Variants in ZNF236 observed in about 807,000 individuals in gnomAD.
ZNF236 encodes regulated by glucose.
A neutral mutation model predicts 191.2 loss-of-function variants in ZNF236; 50 were observed. The observed-to-expected ratio is 0.26, with a 90% CI of 0.21 to 0.33. The LOEUF (loss-of-function observed/expected upper bound fraction) is 0.33, where lower values mean the gene tolerates loss of function less well. Among genes scored for constraint, ZNF236 ranks in the 10% least tolerant of loss-of-function variants. The probability of loss-of-function intolerance (pLI) is 1.00; values close to 1 mark genes in which losing one functional copy is unlikely to be tolerated. For missense variants in ZNF236, 1,754 were observed against 2,374.5 expected (o/e 0.74, Z 5.43); for synonymous variants, 907 against 928.8 (o/e 0.98, Z 0.43).
At chr18:76,963,407 C>T (rs933426277) in intron 30 of ZNF236, among the ~76,000 whole-genome samples, 1 of 152,202 alleles carries the variant, frequency 6.6e-6, no homozygotes, top group Admixed American at 6.5e-5. Flanking sequence ...ACCATTCCTG[C>T]ATCCCTGGTA....
At chr18:76,910,251 C>G (rs902475409) in intron 15 of ZNF236, 82 bp downstream of exon 15, 10 of 1,188,428 alleles carry the variant, frequency 8.4e-6, no homozygotes, top group Admixed American at 6.4e-5. Flanking sequence ...TACATGTTTT[C>G]TCTTAAGGCC....
intron 25 of ZNF236, among the ~76,000 whole-genome samples, chr18:76,928,894 C>T (rs534835575): frequency 4.0e-5 from 6 of 151,532 alleles, no homozygotes; most frequent in Non-Finnish European, 7.4e-5. Context: ...CTAGTAACTT[C>T]CACAGATATT....
At chr18:76,866,581 G>GT (rs1456329392) in intron 3 of ZNF236, among the ~76,000 whole-genome samples, 3 of 152,158 alleles carry the variant, frequency 2.0e-5, no homozygotes, top group African/African-American at 7.2e-5. Flanking sequence ...AGAGATGATC[G>GT]TATCTTCAGC....
chr18:76,941,669 T>C (rs1283308519), intron 26 of ZNF236, among the ~76,000 whole-genome samples: 1 of 152,212 alleles, frequency 6.6e-6, no homozygotes, highest in African/African-American at 2.4e-5. Flanking sequence ...CTGGAGCCTG[T>C]GTCTATCCAG....
chr18:76,849,718 G>A (rs1555686644), intron 2 of ZNF236, 50 bp downstream of exon 2: 2 of 1,415,678 alleles, frequency 1.4e-6, no homozygotes, highest in South Asian at 1.8e-5. Context: ...GAAACTGGAG[G>A]TATTGTAAAA....
chr18:76,927,051 A>T lies in ZNF236; in HGVS notation c.4042A>T (p.Thr1348Ser), dbSNP rs766349161. 3.1e-6 allele frequency: 5 copies of T among 1,612,324 alleles called. No homozygotes were observed. Among genetic ancestry groups the T allele is most frequent in the Non-Finnish European group, 4.2e-6 (5 of 1,178,522 alleles). ...TCTCTGGCCAGCTGGGGGTGACCTGACCGTGTCTCTGACAGATGGGAGCCT... is the reference window on the plus strand; with the variant it reads ...TCTCTGGCCAGCTGGGGGTGACCTGTCCGTGTCTCTGACAGATGGGAGCCT... The part of the protein sequence containing the change: ...PASVSAGGDL[T>S]VSLTDGSLAT... The change falls in exon 23 of 31, where the codon ACC becomes TCC. Residue 1348 changes from threonine to serine, a missense_variant. Thr to Ser is a moderately conservative substitution (Grantham distance 58). Coordinates refer to ENST00000320610, the MANE Select transcript of ZNF236 (RefSeq NM_001306089.2). This position sits in a 1 kb window ranked among gnomAD's most constrained non-coding sequence, Gnocchi z 5.4.
At position 76,880,016 on chromosome 18, in the gene ZNF236, C is replaced by A; in HGVS notation, c.985-97C>A. On this transcript the variant is annotated intron_variant, in intron 7 of 30. Coordinates refer to ENST00000320610, the MANE Select transcript of ZNF236 (RefSeq NM_001306089.2). The surrounding 1 kb of genome is among the most constrained non-coding windows in gnomAD (Gnocchi z 5.0). ...TTAGGATACTCTTAGATTTTAACAC[C>A]CTTAAGGAGGGTATTGCCTGTTTTT... The A allele has an allele frequency of 9.0e-7, 1 of 1,112,236 alleles. No homozygotes were observed. Among genetic ancestry groups the A allele is most frequent in the South Asian group, 1.6e-5 (1 of 62,062 alleles). 68.9% of individuals were successfully genotyped at this position (1,112,236 alleles called of 1,614,324 possible).
At chr18:76,868,556 A>G (rs567181310) in intron 3 of ZNF236, 129 bp from the exon 4 acceptor site, 2 of 662,754 alleles carry the variant, frequency 3.0e-6, no homozygotes, top group Non-Finnish European at 4.7e-6. Context: ...AAAGTATTAG[A>G]TCAAAATCAA....
intron 9 of ZNF236, among the ~76,000 whole-genome samples, chr18:76,892,302 T>C (rs2122693399): frequency 6.6e-6 from 1 of 151,466 alleles, no homozygotes; most frequent in Admixed American, 6.6e-5. Context: ...GATGCTTCAT[T>C]TCTAGTGTAT....
At chr18:76,876,330 A>G (rs1180206651) in intron 6 of ZNF236, among the ~76,000 whole-genome samples, 9 of 152,256 alleles carry the variant, frequency 5.9e-5, no homozygotes, top group Non-Finnish European at 1.0e-4. Context: ...TACTTTTATC[A>G]TGGATCAGTA....
At chr18:76,922,971 A>G in intron 20 of ZNF236, 100 bp from the exon 21 acceptor site, 1 of 873,670 alleles carries the variant, frequency 1.1e-6, no homozygotes, top group Non-Finnish European at 1.8e-6. Flanking sequence ...GGCCAAACTT[A>G]AGCAGAACGT....
intron 26 of ZNF236, among the ~76,000 whole-genome samples, chr18:76,942,551 GC>G (rs1458104474): frequency 6.6e-6 from 1 of 150,594 alleles, no homozygotes; most frequent in African/African-American, 2.4e-5. Flanking sequence ...TCGCTCTGTC[GC>G]CCAGGCTGGA....
chr18:76,841,102 C>T (rs1975483391), intron 1 of ZNF236: 1 of 152,320 alleles, frequency 6.6e-6, no homozygotes, highest in Non-Finnish European at 1.5e-5. Flanking sequence ...CCACACCCGG[C>T]TAAGTTTTAT....
At chr18:76,887,464 G>C (rs1401383071) in intron 9 of ZNF236, 1 of 152,184 alleles carries the variant, frequency 6.6e-6, no homozygotes, top group African/African-American at 2.4e-5. Context: ...CAGATATCCA[G>C]TCACGTGCTT....
At chr18:76,857,503 C>T (rs1223001368) in intron 3 of ZNF236, among the ~76,000 whole-genome samples, 1 of 152,200 alleles carries the variant, frequency 6.6e-6, no homozygotes, top group Non-Finnish European at 1.5e-5. Context: ...TTCAGTTAAC[C>T]ACCCTCCTTC....
chr18:76,912,891 G>A (rs1488470391), intron 17 of ZNF236, among the ~76,000 whole-genome samples: 6 of 152,236 alleles, frequency 3.9e-5, no homozygotes, highest in African/African-American at 7.2e-5. Flanking sequence ...GACCTCAGGT[G>A]ATCCACCTGC....
At chr18:76,932,852 C>T (rs188784323) in intron 25 of ZNF236, among the ~76,000 whole-genome samples, 11 of 152,238 alleles carry the variant, frequency 7.2e-5, no homozygotes, top group East Asian at 5.8e-4. Flanking sequence ...ATGTTCTGAC[C>T]GAAGGGAGAA....
At chr18:76,839,277 T>A (rs1172744024) in intron 1 of ZNF236, among the ~76,000 whole-genome samples, 1 of 152,244 alleles carries the variant, frequency 6.6e-6, no homozygotes, top group Non-Finnish European at 1.5e-5. Flanking sequence ...GTTATGCATG[T>A]ATTTAGCTTT....
chr18:76,914,700 T>C (rs1309783375), intron 18 of ZNF236, among the ~76,000 whole-genome samples: 1 of 152,232 alleles, frequency 6.6e-6, no homozygotes, highest in Non-Finnish European at 1.5e-5. Flanking sequence ...GTTCTAATCC[T>C]ATGCCCATTT....
Sources: allele counts gnomAD v4.1 joint callset (sites outside exome capture counted in the v4.1 genomes callset), GRCh38; gene constraint gnomAD v4.1.1; non-coding constraint Gnocchi (gnomAD v3.1); transcripts MANE v1.5; gene names NCBI Gene and HGNC (gene_info 2026-07-23, HGNC 2026-07-21).